ANKAR: variants seen among roughly 807,000 people sequenced by gnomAD.
ANKAR encodes the protein ankyrin and armadillo repeat containing, also known as ankyrin and armadillo repeat-containing protein.
In ANKAR, 136 loss-of-function variants were observed where a neutral mutation model predicts 146.2. The observed-to-expected ratio is 0.93, with a 90% CI of 0.81 to 1.07. The LOEUF (loss-of-function observed/expected upper bound fraction) is 1.07. Among genes scored for constraint, ANKAR ranks in the 50% least tolerant of loss-of-function variants. The pLI is 0.00. For missense variants in ANKAR, 1,567 were observed against 1,679.9 expected, an observed-to-expected ratio of 0.93 and a Z score of 1.18; for synonymous variants, 500 against 575.8, an observed-to-expected ratio of 0.87 and a Z score of 1.88.
Position 189,746,386 on chromosome 2 carries a change from A to T in ANKAR, c.4064A>T (p.Glu1355Val). The T allele has an allele frequency of 6.2e-7, 1 of 1,603,878 alleles. No homozygotes were observed. Among genetic ancestry groups the T allele is most frequent in the Non-Finnish European group, 8.5e-7 (1 of 1,177,164 alleles). ...SIIPIFKRGK[E>V]HRRKLKPKIQ... The stretch of plus-strand genomic sequence containing the variant: ...AATTGTGGCTAATTTTTAGGGAAGG[A>T]GCACCGAAGAAAATTAAAACCTAAA... Residue 1355 changes from glutamate to valine, a missense_variant, in exon 23 of 23, where the codon GAG (glutamate) becomes GTG (valine). Transcript: ENST00000684021.
At chr2:189,694,564 G>A (rs1471062010) in intron 5 of ANKAR, among the ~76,000 whole-genome samples, 2 of 152,156 alleles carry the variant, frequency 1.3e-5, no homozygotes, top group African/African-American at 4.8e-5. Flanking sequence ...GCTGCAGTGA[G>A]TAAAAGCCAA....
In ANKAR at chr2:189,746,539, T is replaced by C. The variant is rs1388822576; in HGVS notation, c.4217T>C (p.Ile1406Thr). Residue 1406 changes from isoleucine to threonine, a missense_variant, in exon 23 of 23, where the codon ATC becomes ACC. Coordinates refer to ENST00000684021, the MANE Select transcript of ANKAR (RefSeq NM_001378068.1). Reference protein sequence around the residue: ...FSFSSTITSDITNVSRPRIVC... With the variant: ...FSFSSTITSDTTNVSRPRIVC... ...TTTTCATCTACAATTACATCAGATA[T>C]CACAAATGTATCAAGACCAAGAATA... 7 of 1,613,854 alleles carry C rather than the reference T, an allele frequency of 4.3e-6. No individual in the cohort carries two copies. The highest frequency in any genetic ancestry group is 5.9e-6 in the Non-Finnish European group (7 of 1,179,888).
rs537462198 is a variant in ANKAR at position 189,688,376 on chromosome 2, T to C, written c.602-1151T>C. 5.3e-5 allele frequency among the ~76,000 whole-genome samples: 8 copies of C among 152,370 alleles called. 1 individual carries two copies. The East Asian group carries it at 1.5e-3, about 29-fold the overall frequency. On this transcript the variant is annotated intron_variant, in intron 2 of 22. Transcript: ENST00000684021. ...GGTGACTATCACTCTGCAATATACTTTGAAGTCAGGTAATGTAATTCCTCC... is the reference window on the plus strand; with the variant it reads ...GGTGACTATCACTCTGCAATATACTCTGAAGTCAGGTAATGTAATTCCTCC...
chr2:189,745,024 CTACTAA>C (rs953693435), intron 22 of ANKAR, among the ~76,000 whole-genome samples: 1 of 33,774 alleles, frequency 3.0e-5, no homozygotes, highest in African/African-American at 5.4e-5. Flanking sequence ...ACTACTACTA[CTACTAA>C]TAATACAAAA....
At chr2:189,744,639 G>T in intron 21 of ANKAR, 103 bp from the exon 22 acceptor site, 1 of 715,870 alleles carries the variant, frequency 1.4e-6, no homozygotes, top group Non-Finnish European at 2.4e-6. Context: ...AGGCCATTAG[G>T]CATTAAACCT....
intron 14 of ANKAR, 97 bp downstream of exon 14, chr2:189,728,517 A>G: frequency 6.8e-7 from 1 of 1,468,196 alleles, no homozygotes; most frequent in Non-Finnish European, 9.2e-7. Context: ...AGCTCACTGC[A>G]GCCTCAAACC....
At chr2:189,686,562 C>CA (rs200850680) in intron 2 of ANKAR, among the ~76,000 whole-genome samples, 2,548 of 149,636 alleles carry the variant, frequency 0.017, 69 homozygotes, top group African/African-American at 0.058. Flanking sequence ...TTCTTATTGG[C>CA]AAAAAAAAAG....
intron 12 of ANKAR, among the ~76,000 whole-genome samples, chr2:189,722,338 C>CAAAAA (rs10687526): frequency 0.84 from 107,467 of 128,390 alleles, 46,547 homozygotes; most frequent in South Asian, 0.95. Flanking sequence ...GACTCCATCT[C>CAAAAA]AAAAAAAAAA....
chr2:189,731,023 GT>G (rs1459934718), intron 16 of ANKAR, among the ~76,000 whole-genome samples: 3 of 152,198 alleles, frequency 2.0e-5, no homozygotes, highest in Non-Finnish European at 1.5e-5. Context: ...AATCTTGTCA[GT>G]ACTACACTTC....
intron 17 of ANKAR, among the ~76,000 whole-genome samples, chr2:189,735,947 G>A (rs1247981578): frequency 6.6e-6 from 1 of 152,046 alleles, no homozygotes; most frequent in Non-Finnish European, 1.5e-5. Context: ...TAAATCAGTG[G>A]GTATAAAGTA....
chr2:189,688,866 C>G (rs537782376), intron 2 of ANKAR, among the ~76,000 whole-genome samples: 1 of 152,118 alleles, frequency 6.6e-6, no homozygotes, highest in Non-Finnish European at 1.5e-5. Flanking sequence ...TGTAAACAGG[C>G]CAGAACCACA....
At chr2:189,729,423 C>A (rs537593517) in intron 15 of ANKAR, among the ~76,000 whole-genome samples, 3 of 152,136 alleles carry the variant, frequency 2.0e-5, no homozygotes, top group African/African-American at 7.2e-5. Context: ...CAAAAATAGT[C>A]CAGCTGAATG....
At chr2:189,694,019 G>A (rs1417972047) in intron 5 of ANKAR, among the ~76,000 whole-genome samples, 1 of 152,112 alleles carries the variant, frequency 6.6e-6, no homozygotes, top group Non-Finnish European at 1.5e-5. Flanking sequence ...AAAGTGCTGG[G>A]ATTACGGGCA....
At chr2:189,709,876 T>C (rs2039456897) in intron 9 of ANKAR, among the ~76,000 whole-genome samples, 1 of 152,202 alleles carries the variant, frequency 6.6e-6, no homozygotes, top group South Asian at 2.1e-4. Context: ...TAGGAAGCTC[T>C]GCCCCCTAAC....
Position 189,738,586 on chromosome 2 carries a change from AT to A in ANKAR, c.3606del (p.Arg1203GlufsTer16). Reference protein sequence around the residue: ...AFQIVVLAKVIRDMDHITLSA... With the variant: ...AFQIVVLAKVXRDMDHITLSA... Reference sequence around the variant, plus strand: ...TCAGATTGTTGTACTGGCTAAAGTCATTAGAGATATGGACCATATTACTTTG... The same window carrying A: ...TCAGATTGTTGTACTGGCTAAAGTCATAGAGATATGGACCATATTACTTTG... On this transcript the variant is annotated frameshift_variant, in exon 19 of 23. Transcript: ENST00000684021. LOFTEE classifies it high-confidence loss of function. The A allele has an allele frequency of 1.9e-6, 3 of 1,608,178 alleles. No homozygotes were observed. Among genetic ancestry groups the A allele is most frequent in the Non-Finnish European group, 2.6e-6 (3 of 1,176,398 alleles).
At chr2:189,716,636 A>ATGCG (rs144961669) in intron 10 of ANKAR, among the ~76,000 whole-genome samples, 3 of 236 alleles carry the variant, frequency 0.013, no homozygotes, top group Non-Finnish European at 0.12. Flanking sequence ...TGCCAAGACA[A>ATGCG]TCCTAGGCAA....
intron 18 of ANKAR, among the ~76,000 whole-genome samples, chr2:189,756,947 C>T (rs1480107156): frequency 1.3e-5 from 2 of 152,212 alleles, no homozygotes; most frequent in African/African-American, 4.8e-5. Context: ...TCATTTCTTC[C>T]TTCTCTGTCT....
At chr2:189,712,469 T>C (rs1037818053) in intron 10 of ANKAR, among the ~76,000 whole-genome samples, 1 of 151,884 alleles carries the variant, frequency 6.6e-6, no homozygotes, top group Non-Finnish European at 1.5e-5. Flanking sequence ...TGGTGATTTC[T>C]AGGCAAACAG....
At chr2:189,724,355 C>T (rs933810960) in intron 12 of ANKAR, among the ~76,000 whole-genome samples, 1 of 152,170 alleles carries the variant, frequency 6.6e-6, no homozygotes, top group Non-Finnish European at 1.5e-5. Context: ...AGGATATGAT[C>T]CATGTTTCCA....
Sources: gnomAD v4.1 joint callset for allele counts (sites outside exome capture counted in the v4.1 genomes callset) on GRCh38, gnomAD v4.1.1 for gene constraint, MANE v1.5 for transcripts, NCBI Gene and HGNC (gene_info 2026-07-23, HGNC 2026-07-21) for gene names.